The following MSI2 variants were observed in gnomAD, a reference collection of about 807,000 sequenced individuals.
The protein encoded by MSI2 is RNA-binding protein Musashi homolog 2.
In MSI2, 17 loss-of-function variants were observed where a neutral mutation model predicts 45.6. That is an observed-to-expected ratio of 0.37 (90% CI 0.26 to 0.56). The LOEUF (loss-of-function observed/expected upper bound fraction) is 0.56, where lower values mean the gene tolerates loss of function less well. MSI2 is among the 20% of genes least tolerant of loss of function. The pLI, the probability that MSI2 is intolerant of heterozygous loss-of-function variation, is 0.77. For synonymous variants in MSI2, 156 were observed against 158.2 expected, an observed-to-expected ratio of 0.99 and a Z score of 0.11; for missense variants, 293 against 444.2, an observed-to-expected ratio of 0.66 and a Z score of 3.06.
intron 6 of MSI2, among the ~76,000 whole-genome samples, chr17:57,468,534 A>G (rs999151155): frequency 2.0e-5 from 3 of 151,570 alleles, no homozygotes; most frequent in Admixed American, 6.6e-5. Flanking sequence ...AAAAAAAAAA[A>G]AAAACAAGCA....
At chr17:57,675,686 G>A (rs1913180931) in intron 12 of MSI2, among the ~76,000 whole-genome samples, 1 of 152,134 alleles carries the variant, frequency 6.6e-6, no homozygotes, top group South Asian at 2.1e-4. Context: ...GGTGGTGTGG[G>A]GATCCAAGCC....
intron 6 of MSI2, among the ~76,000 whole-genome samples, chr17:57,425,482 A>G (rs1364154262): frequency 6.6e-6 from 1 of 152,206 alleles, no homozygotes; most frequent in African/African-American, 2.4e-5. Context: ...TTTTATATAA[A>G]TGAGATCATA....
chr17:57,563,116 A>C (rs1303845671), intron 7 of MSI2, among the ~76,000 whole-genome samples: 3 of 151,460 alleles, frequency 2.0e-5, no homozygotes, highest in Admixed American at 6.6e-5. Context: ...AAAAAAAAAA[A>C]AAAAACAGTG....
At chr17:57,383,057 T>C (rs1333750347) in intron 5 of MSI2, among the ~76,000 whole-genome samples, 1 of 152,176 alleles carries the variant, frequency 6.6e-6, no homozygotes, top group African/African-American at 2.4e-5. Context: ...CCAAGGAGGC[T>C]TGTAGAACAG....
chr17:57,323,066 C>G (rs1365384723), intron 5 of MSI2, among the ~76,000 whole-genome samples: 1 of 151,716 alleles, frequency 6.6e-6, no homozygotes, highest in Non-Finnish European at 1.5e-5. Flanking sequence ...GTGATGGGTA[C>G]CGGGGGTTCA....
At position 57,552,288 on chromosome 17, in the gene MSI2, G is replaced by C. The variant is rs894874437; in HGVS notation, c.454+22564G>C. ...AGTTCAGAGTGATGTTCACTGGTCT[G>C]TAATTCCTGACTCCCTTCCTGAGAG... On this transcript the variant is annotated intron_variant, in intron 7 of 13. Transcript: ENST00000284073. The surrounding 1 kb of genome is among the most constrained non-coding windows in gnomAD (Gnocchi z 4.3). Among the ~76,000 whole-genome samples, 1 of 152,234 alleles carries C rather than the reference G, an allele frequency of 6.6e-6. No individual in the cohort carries two copies. The highest frequency in any genetic ancestry group is 1.5e-5 in the Non-Finnish European group (1 of 68,044).
At position 57,680,471 on chromosome 17, in the gene MSI2, G is replaced by A. The variant is rs1331855471; in HGVS notation, c.*954G>A. The A allele has an allele frequency of 5.7e-5, 13 of 229,096 alleles. No homozygotes were observed. Among genetic ancestry groups the A allele is most frequent in the African/African-American group, 2.4e-4 (11 of 45,124 alleles). The allele number at this position is 229,096 out of a possible 1,614,324, so 14.2% of individuals were successfully genotyped here. On this transcript the variant is annotated 3_prime_UTR_variant, in exon 14 of 14. Transcript: ENST00000284073. ...TGGAAGGAGGCGGGAAGGGAACGTT[G>A]GCCAAGTCAGTTACTGAGATGAAGA...
At chr17:57,404,114 C>G (rs1263793330) in intron 6 of MSI2, among the ~76,000 whole-genome samples, 1 of 152,144 alleles carries the variant, frequency 6.6e-6, no homozygotes. Context: ...AGGCCATTTA[C>G]TCACATTATC....
intron 6 of MSI2, among the ~76,000 whole-genome samples, chr17:57,456,943 G>T (rs931854772): frequency 6.6e-6 from 1 of 152,206 alleles, no homozygotes; most frequent in East Asian, 1.9e-4. Context: ...GGGTCCTGTG[G>T]TTTCATTGGC....
chr17:57,695,768 C>T, the MSI2 span, among the ~76,000 whole-genome samples: 13,984 of 152,130 alleles, frequency 0.092, 664 homozygotes, highest in Non-Finnish European at 0.11. Context: ...AAACAACAGA[C>T]ATTTATTTTC....
chr17:57,349,397 C>T (rs978645487), intron 5 of MSI2, among the ~76,000 whole-genome samples: 2 of 152,138 alleles, frequency 1.3e-5, no homozygotes, highest in African/African-American at 4.8e-5. Context: ...TCATGAGAAG[C>T]GTGTGGTAAA....
At chr17:57,340,306 T>C (rs1201462226) in intron 5 of MSI2, among the ~76,000 whole-genome samples, 1 of 152,194 alleles carries the variant, frequency 6.6e-6, no homozygotes, top group Non-Finnish European at 1.5e-5. Flanking sequence ...CCTTAACCCT[T>C]GTGCTGTACT....
At chr17:57,516,989 C>T (rs2086482442) in intron 6 of MSI2, among the ~76,000 whole-genome samples, 1 of 152,210 alleles carries the variant, frequency 6.6e-6, no homozygotes, top group Non-Finnish European at 1.5e-5. Context: ...CCTCCCTGAA[C>T]AAGAAGTAAC....
At position 57,521,365 on chromosome 17, in the gene MSI2, T is replaced by C. The variant is rs151039733; in HGVS notation, c.406-8311T>C. ...TAATACTCCCTTTCTCGTGGGGTTA[T>C]TGTGACCACGAAAGTAGTAATAATA... On this transcript the variant is annotated intron_variant, in intron 6 of 13. Coordinates refer to ENST00000284073, the MANE Select transcript of MSI2 (RefSeq NM_138962.4). 3.9e-3 allele frequency among the ~76,000 whole-genome samples: 590 copies of C among 152,296 alleles called. 8 individuals are homozygous for C. Among genetic ancestry groups the C allele is most frequent in the African/African-American group, 0.014 (573 of 41,554 alleles).
chr17:57,418,642 G>A (rs769165321), intron 6 of MSI2, among the ~76,000 whole-genome samples: 14 of 152,198 alleles, frequency 9.2e-5, no homozygotes, highest in Admixed American at 5.2e-4. Flanking sequence ...ACCCACAAAC[G>A]TGTGCAAAGG....
intron 7 of MSI2, among the ~76,000 whole-genome samples, chr17:57,544,427 G>A (rs2087119136): frequency 6.6e-6 from 1 of 152,130 alleles, no homozygotes; most frequent in Admixed American, 6.5e-5. Flanking sequence ...CACCTCCTGG[G>A]TTCATCCCCT....
chr17:57,482,835 G>A (rs1331609788), intron 6 of MSI2, among the ~76,000 whole-genome samples: 1 of 152,206 alleles, frequency 6.6e-6, no homozygotes, highest in Admixed American at 6.5e-5. Context: ...GGGACATTTT[G>A]TGTGAGTGAG....
chr17:57,573,728 C>G (rs1030421729), intron 7 of MSI2, among the ~76,000 whole-genome samples: 1 of 152,186 alleles, frequency 6.6e-6, no homozygotes, highest in Non-Finnish European at 1.5e-5. Flanking sequence ...CTTCCAGGGG[C>G]TGATGGAGGA....
chr17:57,282,983 A>G (rs1160277294), intron 5 of MSI2, among the ~76,000 whole-genome samples: 3 of 152,098 alleles, frequency 2.0e-5, no homozygotes, highest in Non-Finnish European at 4.4e-5. Flanking sequence ...TGCTTTTAAA[A>G]TAACCATGTT....
Sources: gnomAD v4.1 joint callset for allele counts (sites outside exome capture counted in the v4.1 genomes callset) on GRCh38, gnomAD v4.1.1 for gene constraint, Gnocchi (gnomAD v3.1) non-coding constraint, MANE v1.5 for transcripts, NCBI Gene and HGNC (gene_info 2026-07-23, HGNC 2026-07-21) for gene names.